SEC24D: variants seen among roughly 807,000 people sequenced by gnomAD.
SEC24D encodes protein transport protein Sec24D.
In SEC24D, 69 loss-of-function variants were observed where a neutral mutation model predicts 116.9. The ratio of observed to expected loss-of-function variants is 0.59; its 90% CI spans 0.49 to 0.72. The LOEUF is 0.72. SEC24D is among the 30% of genes least tolerant of loss of function. The pLI is 0.00. For missense variants in SEC24D, 1,131 were observed against 1,264.1 expected (o/e 0.89, Z 1.60); for synonymous variants, 405 against 442.8 (o/e 0.91, Z 1.07).
chr4:118,744,832 G>T, intron 14 of SEC24D, 112 bp downstream of exon 14: 2 of 658,204 alleles, frequency 3.0e-6, no homozygotes, highest in Non-Finnish European at 5.4e-6. Flanking sequence ...CAATGCCCTG[G>T]ACTTAATTTA....
At chr4:118,811,579 A>G (rs572337842) in intron 6 of SEC24D, among the ~76,000 whole-genome samples, 44 of 152,316 alleles carry the variant, frequency 2.9e-4, no homozygotes, top group African/African-American at 9.6e-4. Context: ...TAGGAGAAAA[A>G]GGTTCCCTGA....
chr4:118,773,760 T>A (rs1296284242), intron 8 of SEC24D, among the ~76,000 whole-genome samples: 2 of 152,222 alleles, frequency 1.3e-5, no homozygotes, highest in Non-Finnish European at 2.9e-5. Context: ...TAAAGACATT[T>A]CCATGTGAAA....
intron 8 of SEC24D, among the ~76,000 whole-genome samples, chr4:118,791,616 ACCTC>A (rs1284486707): frequency 1.5e-3 from 232 of 151,594 alleles, no homozygotes; most frequent in African/African-American, 5.1e-3. Context: ...ACTCACTGCA[ACCTC>A]CCTGCCTGAT....
intron 21 of SEC24D, 62 bp downstream of exon 21, chr4:118,731,254 T>TA: frequency 7.2e-7 from 1 of 1,387,656 alleles, no homozygotes; most frequent in Non-Finnish European, 1.0e-6. Context: ...TGCACATAAA[T>TA]AAAAACATTT....
chr4:118,774,705 T>C (rs1017111824), intron 8 of SEC24D, among the ~76,000 whole-genome samples: 2 of 152,138 alleles, frequency 1.3e-5, no homozygotes, highest in Non-Finnish European at 2.9e-5. Context: ...TAAACCATGC[T>C]CCCTGGTAAG....
chr4:118,790,343 C>T (rs1728842098), intron 8 of SEC24D, among the ~76,000 whole-genome samples: 1 of 152,116 alleles, frequency 6.6e-6, no homozygotes, highest in African/African-American at 2.4e-5. Context: ...AGACTATGCA[C>T]TTGTCCAAAA....
intron 8 of SEC24D, among the ~76,000 whole-genome samples, chr4:118,795,931 C>T (rs1157554856): frequency 6.6e-6 from 1 of 152,108 alleles, no homozygotes; most frequent in Non-Finnish European, 1.5e-5. Flanking sequence ...AATTTTGCCT[C>T]AAATGAGAAA....
At chr4:118,734,428 G>T (rs998039243) in intron 19 of SEC24D, among the ~76,000 whole-genome samples, 1 of 151,900 alleles carries the variant, frequency 6.6e-6, no homozygotes, top group African/African-American at 2.4e-5. Context: ...GGCCAGGCTG[G>T]TCTCAAACTC....
At chr4:118,763,894 C>T (rs1323669715) in intron 10 of SEC24D, among the ~76,000 whole-genome samples, 1 of 152,016 alleles carries the variant, frequency 6.6e-6, no homozygotes, top group Admixed American at 6.6e-5. Context: ...AGACCAAATT[C>T]CGTGAAAAAA....
intron 3 of SEC24D, among the ~76,000 whole-genome samples, chr4:118,819,812 A>T (rs1730317669): frequency 6.6e-6 from 1 of 152,228 alleles, no homozygotes; most frequent in Admixed American, 6.5e-5. Context: ...AATATATTTC[A>T]AACAGGAGTT....
At chr4:118,769,713 T>G (rs1727808182) in intron 8 of SEC24D, 1 of 152,182 alleles carries the variant, frequency 6.6e-6, no homozygotes. Flanking sequence ...TTAAATTTTT[T>G]CTTTAATCAT....
intron 6 of SEC24D, among the ~76,000 whole-genome samples, chr4:118,810,114 GTGTGTGTGTGTGTGTGTGTGTGT>G (rs1560736959): frequency 2.7e-5 from 4 of 149,338 alleles, no homozygotes; most frequent in East Asian, 4.0e-4. Context: ...GTGTGTGTGT[GTGTGTGTGTGTGTGTGTGTGTGT>G]CAGAGGGTAT....
chr4:118,751,462 G>C (rs1471837547), intron 13 of SEC24D, among the ~76,000 whole-genome samples: 1 of 152,186 alleles, frequency 6.6e-6, no homozygotes, highest in African/African-American at 2.4e-5. Flanking sequence ...ACAGGCGTGA[G>C]AGTGAGTGCT....
intron 10 of SEC24D, 149 bp from the exon 11 acceptor site, chr4:118,757,994 A>G (rs1727193854): frequency 1.6e-5 from 10 of 629,484 alleles, no homozygotes. Flanking sequence ...TTTCCAGAAT[A>G]TCTAGAGCAT....
intron 8 of SEC24D, among the ~76,000 whole-genome samples, chr4:118,791,286 TG>T (rs1232084700): frequency 1.3e-5 from 2 of 152,020 alleles, no homozygotes; most frequent in Non-Finnish European, 2.9e-5. Flanking sequence ...TATGTGAGTA[TG>T]GGACTGAAAA....
intron 8 of SEC24D, among the ~76,000 whole-genome samples, chr4:118,796,800 A>G (rs1340165722): frequency 6.6e-6 from 1 of 152,224 alleles, no homozygotes; most frequent in Non-Finnish European, 1.5e-5. Flanking sequence ...TGTACATTAC[A>G]TCAGCCTACT....
intron 11 of SEC24D, among the ~76,000 whole-genome samples, chr4:118,755,311 A>G (rs1036441179): frequency 1.3e-5 from 2 of 151,966 alleles, no homozygotes; most frequent in African/African-American, 2.4e-5. Context: ...CTTTTTTTCA[A>G]TGATTACTTC....
At chr4:118,751,301 C>T (rs1385869833) in intron 13 of SEC24D, among the ~76,000 whole-genome samples, 1 of 151,586 alleles carries the variant, frequency 6.6e-6, no homozygotes, top group African/African-American at 2.4e-5. Context: ...ACCTCAGCCT[C>T]CCAAGTAGCT....
At chr4:118,785,198 G>T (rs904869516) in intron 8 of SEC24D, among the ~76,000 whole-genome samples, 1 of 152,124 alleles carries the variant, frequency 6.6e-6, no homozygotes, top group Admixed American at 6.6e-5. Flanking sequence ...CTCAATAAAT[G>T]TTTGAGCACA....
Sources: gnomAD v4.1 joint callset for allele counts (sites outside exome capture counted in the v4.1 genomes callset) on GRCh38, gnomAD v4.1.1 for gene constraint, MANE v1.5 for transcripts, NCBI Gene and HGNC (gene_info 2026-07-23, HGNC 2026-07-21) for gene names.